STIM2: variants seen among roughly 807,000 people sequenced by gnomAD.
STIM2 encodes the protein stromal interaction molecule 2.
STIM2 carries 31 observed loss-of-function variants against 85.8 expected under a neutral mutation model. The ratio of observed to expected loss-of-function variants is 0.36; its 90% CI spans 0.27 to 0.49. The LOEUF is 0.49. STIM2 is among the 20% of genes least tolerant of loss of function. The probability of loss-of-function intolerance (pLI) is 0.98; values close to 1 mark genes in which losing one functional copy is unlikely to be tolerated. For synonymous variants in STIM2, 356 were observed against 331.1 expected (o/e 1.08, Z -0.82); for missense variants, 841 against 927.6 (o/e 0.91, Z 1.21).
chr4:26,960,361 T>A (rs1726401389), intron 3 of STIM2, among the ~76,000 whole-genome samples: 1 of 151,918 alleles, frequency 6.6e-6, no homozygotes, highest in Non-Finnish European at 1.5e-5. Flanking sequence ...GTGTGTATGT[T>A]TGTGTGTATG....
At chr4:26,919,115 G>C (rs1724700899) in intron 1 of STIM2, among the ~76,000 whole-genome samples, 1 of 148,998 alleles carries the variant, frequency 6.7e-6, no homozygotes, top group African/African-American at 2.5e-5. Flanking sequence ...TGTATTCTGT[G>C]ATTTTTTAGT....
At chr4:26,985,304 C>T (rs2109116924) in intron 3 of STIM2, among the ~76,000 whole-genome samples, 1 of 152,216 alleles carries the variant, frequency 6.6e-6, no homozygotes, top group South Asian at 2.1e-4. Context: ...TAAATCCCTG[C>T]AATACTGAAC....
chr4:26,900,907 A>G (rs1175459817), intron 1 of STIM2, among the ~76,000 whole-genome samples: 2 of 152,166 alleles, frequency 1.3e-5, no homozygotes, highest in African/African-American at 4.8e-5. Flanking sequence ...GGAAAAGGAA[A>G]TCCCAGACTG....
intron 10 of STIM2, among the ~76,000 whole-genome samples, chr4:27,011,414 T>C (rs1728552702): frequency 6.6e-6 from 1 of 152,322 alleles, no homozygotes; most frequent in East Asian, 1.9e-4. Context: ...TTCTTGGCCC[T>C]TACAAACAAT....
chr4:26,928,341 C>A (rs1192749629), intron 2 of STIM2, among the ~76,000 whole-genome samples: 1 of 152,052 alleles, frequency 6.6e-6, no homozygotes, highest in African/African-American at 2.4e-5. Context: ...TAGCAGAAAT[C>A]CACATTTCCT....
intron 2 of STIM2, among the ~76,000 whole-genome samples, chr4:26,950,851 G>A (rs1726023560): frequency 6.6e-6 from 1 of 152,086 alleles, no homozygotes; most frequent in African/African-American, 2.4e-5. Context: ...AGTAACATTA[G>A]GCTAGAAGTT....
At chr4:26,927,836 T>C (rs942440187) in intron 2 of STIM2, among the ~76,000 whole-genome samples, 5 of 135,350 alleles carry the variant, frequency 3.7e-5, no homozygotes, top group African/African-American at 1.6e-4. Context: ...TGTAATTATA[T>C]AAATTATATA....
chr4:26,901,271 C>T (rs960953671), intron 1 of STIM2, among the ~76,000 whole-genome samples: 1 of 152,006 alleles, frequency 6.6e-6, no homozygotes, highest in Admixed American at 6.6e-5. Flanking sequence ...GAGGTAACAC[C>T]ATCAAATGCT....
intron 1 of STIM2, among the ~76,000 whole-genome samples, chr4:26,897,844 T>C (rs1236316912): frequency 6.6e-6 from 1 of 152,126 alleles, no homozygotes; most frequent in Non-Finnish European, 1.5e-5. Flanking sequence ...TGGCTCACTG[T>C]AGCCTTGACC....
intron 1 of STIM2, among the ~76,000 whole-genome samples, chr4:26,914,268 ATATAAG>A (rs1449691680): frequency 3.3e-5 from 5 of 152,220 alleles, no homozygotes; most frequent in Non-Finnish European, 7.3e-5. Flanking sequence ...CTTAATTTTT[ATATAAG>A]TATATTTTAT....
chr4:26,877,763 T>C lies in STIM2; in HGVS notation c.151+16394T>C, dbSNP rs940674855. ...AGATGGACTGAGTGGTGTTCCTACT[T>C]GCTATGGTTTGAAAATTTGTCCTCT... On this transcript the variant is annotated intron_variant, in intron 1 of 11. Transcript: ENST00000467087. 3.9e-5 allele frequency among the ~76,000 whole-genome samples: 6 copies of C among 152,248 alleles called. No individual in the cohort carries two copies. In the East Asian group the frequency reaches 9.7e-4, roughly 24 times the overall value.
intron 3 of STIM2, among the ~76,000 whole-genome samples, chr4:26,978,826 G>C (rs1282488909): frequency 1.3e-5 from 2 of 152,184 alleles, no homozygotes; most frequent in Non-Finnish European, 2.9e-5. Context: ...ACTAGACTTT[G>C]AGAAGAGCAG....
At chr4:26,941,975 A>T (rs760424367) in intron 2 of STIM2, among the ~76,000 whole-genome samples, 3 of 152,190 alleles carry the variant, frequency 2.0e-5, no homozygotes, top group Non-Finnish European at 1.5e-5. Context: ...TCTTTGTATT[A>T]CTGTAAAACC....
chr4:27,022,005 G>T (rs576808294), intron 11 of STIM2, among the ~76,000 whole-genome samples: 1 of 152,002 alleles, frequency 6.6e-6, no homozygotes, highest in Non-Finnish European at 1.5e-5. Flanking sequence ...GATGTGCCTC[G>T]ATTCCCTGCC....
chr4:26,997,833 C>T (rs753997434), intron 4 of STIM2, among the ~76,000 whole-genome samples: 1 of 152,196 alleles, frequency 6.6e-6, no homozygotes, highest in Non-Finnish European at 1.5e-5. Context: ...TAAAGGAAGG[C>T]ATTTCAGAGA....
chr4:26,980,566 A>T (rs929563555), intron 3 of STIM2, among the ~76,000 whole-genome samples: 3 of 152,196 alleles, frequency 2.0e-5, no homozygotes, highest in African/African-American at 4.8e-5. Flanking sequence ...ATAAATGGGA[A>T]TTATTGAATA....
chr4:26,945,931 C>G (rs1442504955), intron 2 of STIM2, among the ~76,000 whole-genome samples: 1 of 152,062 alleles, frequency 6.6e-6, no homozygotes, highest in Admixed American at 6.5e-5. Context: ...ATGTTTACAA[C>G]ATTATAGTGA....
At position 27,008,878 on chromosome 4, in the gene STIM2, C is replaced by T. The variant is rs534892979; in HGVS notation, c.1365C>T (p.Thr455=). The stretch of plus-strand genomic sequence containing the variant: ...ATAACTCAGGACTCCCCAGCCTGAC[C>T]TCTTCCCTTTATTCTGATCACAGCT... Residue 455 remains threonine, a synonymous_variant, in exon 10 of 12, where the codon ACC becomes ACT. Transcript: ENST00000467087. 2.9e-5 allele frequency: 47 copies of T among 1,614,056 alleles called. No homozygotes were observed. The highest frequency in any genetic ancestry group is 2.1e-4 in the African/African-American group (16 of 74,918).
intron 1 of STIM2, among the ~76,000 whole-genome samples, chr4:26,905,172 G>A (rs1319857507): frequency 1.3e-5 from 2 of 152,154 alleles, no homozygotes; most frequent in African/African-American, 4.8e-5. Context: ...GAAAGTTATG[G>A]TATGTTTGGC....
Sources: allele counts gnomAD v4.1 joint callset (sites outside exome capture counted in the v4.1 genomes callset), GRCh38; gene constraint gnomAD v4.1.1; transcripts MANE v1.5; gene names NCBI Gene and HGNC (gene_info 2026-07-23, HGNC 2026-07-21).